KCND2: variants seen among roughly 807,000 people sequenced by gnomAD.
The protein encoded by KCND2 is A-type voltage-gated potassium channel KCND2.
Under a neutral mutation model 54.4 loss-of-function variants are expected in KCND2, and 16 were observed. The observed-to-expected ratio is 0.29, with a 90% confidence interval of 0.20 to 0.45. The LOEUF (loss-of-function observed/expected upper bound fraction) is 0.45. KCND2 is among the 20% of genes least tolerant of loss of function. The probability of loss-of-function intolerance (pLI) is 1.00; values close to 1 mark genes in which losing one functional copy is unlikely to be tolerated. For synonymous variants in KCND2, 317 were observed against 310.7 expected, an observed-to-expected ratio of 1.02 and a Z score of -0.21; for missense variants, 486 against 824.2, an observed-to-expected ratio of 0.59 and a Z score of 5.02.
intron 1 of KCND2, among the ~76,000 whole-genome samples, chr7:120,645,461 G>C (rs1008755884): frequency 2.0e-5 from 3 of 151,922 alleles, no homozygotes; most frequent in Non-Finnish European, 2.9e-5. Flanking sequence ...TCTGTGTCCA[G>C]TGGCTGACCA....
chr7:120,593,845 A>G (rs1792700638), intron 1 of KCND2, among the ~76,000 whole-genome samples: 1 of 152,088 alleles, frequency 6.6e-6, no homozygotes, highest in Admixed American at 6.5e-5. Context: ...CACTCCAATT[A>G]TCCCTCAAGG....
At chr7:120,655,464 G>A (rs984637302) in intron 1 of KCND2, among the ~76,000 whole-genome samples, 6 of 152,044 alleles carry the variant, frequency 3.9e-5, no homozygotes, top group Non-Finnish European at 7.4e-5. Context: ...TTTCATCACA[G>A]AAGAGAAACA....
At chr7:120,581,783 C>T (rs1792518788) in intron 1 of KCND2, among the ~76,000 whole-genome samples, 1 of 152,058 alleles carries the variant, frequency 6.6e-6, no homozygotes, top group Non-Finnish European at 1.5e-5. Context: ...ATGATCTCAG[C>T]TCACTGCAAC....
chr7:120,303,398 T>C (rs1799611937), intron 1 of KCND2, among the ~76,000 whole-genome samples: 1 of 152,210 alleles, frequency 6.6e-6, no homozygotes, highest in African/African-American at 2.4e-5. Flanking sequence ...TATTTCTCTT[T>C]TTTGAAAGAA....
chr7:120,424,291 C>G (rs1203493669), intron 1 of KCND2, among the ~76,000 whole-genome samples: 1 of 152,126 alleles, frequency 6.6e-6, no homozygotes, highest in Non-Finnish European at 1.5e-5. Flanking sequence ...AGATTACCAT[C>G]TACAAAATGT....
chr7:120,525,460 G>A (rs1791761185), intron 1 of KCND2, among the ~76,000 whole-genome samples: 1 of 152,156 alleles, frequency 6.6e-6, no homozygotes, highest in African/African-American at 2.4e-5. Flanking sequence ...CTATGGCTGT[G>A]TAGTTTTAAA....
intron 1 of KCND2, among the ~76,000 whole-genome samples, chr7:120,688,608 G>GC (rs2116599955): frequency 6.6e-6 from 1 of 152,240 alleles, no homozygotes; most frequent in South Asian, 2.1e-4. Flanking sequence ...AAATTAAGCT[G>GC]CCACGGATTT....
intron 1 of KCND2, among the ~76,000 whole-genome samples, chr7:120,389,113 G>GT (rs1441154519): frequency 1.3e-5 from 2 of 151,628 alleles, no homozygotes; most frequent in Non-Finnish European, 2.9e-5. Flanking sequence ...AAAGAAGATA[G>GT]TACATTGCCA....
intron 1 of KCND2, among the ~76,000 whole-genome samples, chr7:120,287,404 ACC>A (rs1482874351): frequency 1.3e-5 from 2 of 152,132 alleles, no homozygotes; most frequent in Admixed American, 1.3e-4. Context: ...CTGGGAGTTC[ACC>A]TAAAGCAATT....
At chr7:120,393,455 C>T (rs973978411) in intron 1 of KCND2, among the ~76,000 whole-genome samples, 1 of 151,942 alleles carries the variant, frequency 6.6e-6, no homozygotes, top group Non-Finnish European at 1.5e-5. Flanking sequence ...GAAATGCATT[C>T]ACTTCTCATT....
At chr7:120,513,294 TAAA>T (rs1473847610) in intron 1 of KCND2, among the ~76,000 whole-genome samples, 2 of 152,160 alleles carry the variant, frequency 1.3e-5, no homozygotes, top group African/African-American at 4.8e-5. Flanking sequence ...CTTTTAACCT[TAAA>T]AGACTTTGAA....
intron 1 of KCND2, among the ~76,000 whole-genome samples, chr7:120,443,672 C>T (rs1484140364): frequency 1.3e-5 from 2 of 151,064 alleles, no homozygotes; most frequent in African/African-American, 4.9e-5. Context: ...TCATTTCCTA[C>T]AGTTAAGACT....
rs376442774 is a variant in KCND2, at chr7:120,325,907, AG to A, written c.1115+50163del. On this transcript the variant is annotated intron_variant, in intron 1 of 5. Transcript: ENST00000331113. Reference sequence around the variant, plus strand: ...AGCAGGAGAAGAAAGCTGACATCAAAGGGAAAGCAGGAGAATAATAGTTCAA... The same window carrying A: ...AGCAGGAGAAGAAAGCTGACATCAAAGGAAAGCAGGAGAATAATAGTTCAA... Among the ~76,000 whole-genome samples, 92 of 152,200 alleles carry A rather than the reference AG, an allele frequency of 6.0e-4. No homozygotes were observed. The East Asian group carries it at 0.017, about 28-fold the overall frequency.
At chr7:120,425,509 C>T (rs1801694809) in intron 1 of KCND2, among the ~76,000 whole-genome samples, 1 of 152,194 alleles carries the variant, frequency 6.6e-6, no homozygotes, top group South Asian at 2.1e-4. Context: ...CGTGGTGACT[C>T]CAGTGCCAGT....
chr7:120,728,179 T>C (rs1792759628), intron 1 of KCND2, among the ~76,000 whole-genome samples: 1 of 149,234 alleles, frequency 6.7e-6, no homozygotes, highest in South Asian at 2.1e-4. Context: ...GAAAAGAGTA[T>C]AGGGAAAAGT....
chr7:120,675,656 T>G (rs1016596887), intron 1 of KCND2, among the ~76,000 whole-genome samples: 6 of 152,274 alleles, frequency 3.9e-5, no homozygotes, highest in African/African-American at 1.4e-4. Context: ...ACATACCTAT[T>G]TCTATCTCAG....
intron 1 of KCND2, among the ~76,000 whole-genome samples, chr7:120,409,708 C>T (rs1418647908): frequency 6.6e-6 from 1 of 151,592 alleles, no homozygotes; most frequent in African/African-American, 2.4e-5. Flanking sequence ...TATGTTTAAT[C>T]TTTTGACCAT....
At chr7:120,279,899 C>T (rs1182006816) in intron 1 of KCND2, among the ~76,000 whole-genome samples, 1 of 151,816 alleles carries the variant, frequency 6.6e-6, no homozygotes, top group African/African-American at 2.4e-5. Flanking sequence ...TGATACCTGT[C>T]AGTATTCTGA....
intron 1 of KCND2, among the ~76,000 whole-genome samples, chr7:120,446,987 A>C (rs563041088): frequency 6.6e-6 from 1 of 152,322 alleles, no homozygotes; most frequent in Non-Finnish European, 1.5e-5. Context: ...TTACTTTATA[A>C]ATTATAACCA....
Sources: gnomAD v4.1 joint callset for allele counts (sites outside exome capture counted in the v4.1 genomes callset) on GRCh38, gnomAD v4.1.1 for gene constraint, MANE v1.5 for transcripts, NCBI Gene and HGNC (gene_info 2026-07-23, HGNC 2026-07-21) for gene names.